Variants in TBCK observed in about 807,000 individuals in gnomAD.
TBCK encodes the protein TBC domain-containing protein kinase-like protein.
Under a neutral mutation model 113.4 loss-of-function variants are expected in TBCK, and 99 were observed. The observed-to-expected ratio is 0.87, with a 90% CI of 0.74 to 1.03. TBCK has a LOEUF of 1.03. Ranked by LOEUF, TBCK falls within the 50% of genes least tolerant of loss-of-function variation. The pLI is 0.00. For synonymous variants in TBCK, 369 were observed against 370.8 expected (o/e 1.00, Z 0.05); for missense variants, 1,045 against 1,061.3 (o/e 0.98, Z 0.21).
chr4:106,178,565 G>GTA (rs1751962462), intron 22 of TBCK, among the ~76,000 whole-genome samples: 2 of 151,876 alleles, frequency 1.3e-5, no homozygotes, highest in African/African-American at 4.8e-5. Flanking sequence ...AGTATCTATT[G>GTA]AAAGAATCAT....
intron 23 of TBCK, among the ~76,000 whole-genome samples, chr4:106,160,186 T>G (rs977774826): frequency 6.6e-6 from 1 of 151,882 alleles, no homozygotes; most frequent in African/African-American, 2.4e-5. Context: ...GAAGAAAACA[T>G]AGGGCAAAAG....
In TBCK at chr4:106,316,028, G is replaced by A. The variant is rs1195313282; in HGVS notation, c.-127C>T. The A allele has an allele frequency of 6.5e-6, 1 of 152,866 alleles. No individual in the cohort carries two copies. The highest frequency in any genetic ancestry group is 1.9e-4 in the East Asian group (1 of 5,192). 9.5% of individuals were successfully genotyped at this position (152,866 alleles called of 1,614,324 possible). On this transcript the variant is annotated 5_prime_UTR_variant, in exon 1 of 26. Transcript: ENST00000394708. ...CGCTGTGGCTGCTGCTGCCGCTACG[G>A]CTTAGTGCACCAGACGCTGCATTTC...
chr4:106,086,301 C>T (rs1739510275), intron 25 of TBCK, among the ~76,000 whole-genome samples: 1 of 152,122 alleles, frequency 6.6e-6, no homozygotes, highest in East Asian at 1.9e-4. Context: ...ATACTATAAA[C>T]ATCTCTATGC....
intron 2 of TBCK, among the ~76,000 whole-genome samples, chr4:106,295,880 T>C (rs1446889155): frequency 6.6e-6 from 1 of 152,162 alleles, no homozygotes; most frequent in African/African-American, 2.4e-5. Flanking sequence ...CTAGGCTACA[T>C]GGTTCATCTA....
At chr4:106,315,146 A>C (rs1768657410) in intron 1 of TBCK, among the ~76,000 whole-genome samples, 1 of 152,118 alleles carries the variant, frequency 6.6e-6, no homozygotes, top group African/African-American at 2.4e-5. Flanking sequence ...GGGAAAAAAA[A>C]CGTAGAGATG....
intron 24 of TBCK, among the ~76,000 whole-genome samples, chr4:106,106,684 G>A (rs543900374): frequency 6.6e-6 from 1 of 152,176 alleles, no homozygotes; most frequent in South Asian, 2.1e-4. Context: ...GAATACAAAA[G>A]CACACTTAAA....
At chr4:106,117,368 T>C (rs1743646702) in intron 23 of TBCK, among the ~76,000 whole-genome samples, 1 of 152,196 alleles carries the variant, frequency 6.6e-6, no homozygotes, top group Admixed American at 6.5e-5. Flanking sequence ...TTTTATAATA[T>C]AATTTATGTT....
At chr4:106,105,273 A>G (rs1742010021) in intron 24 of TBCK, among the ~76,000 whole-genome samples, 1 of 152,076 alleles carries the variant, frequency 6.6e-6, no homozygotes, top group African/African-American at 2.4e-5. Flanking sequence ...ACAAACCTCC[A>G]TTTTGGGCTG....
chr4:106,192,537 A>G (rs1199539314), intron 22 of TBCK, among the ~76,000 whole-genome samples: 1 of 152,150 alleles, frequency 6.6e-6, no homozygotes, highest in East Asian at 1.9e-4. Flanking sequence ...ACTTTAATTA[A>G]AATTTGATAA....
intron 20 of TBCK, among the ~76,000 whole-genome samples, chr4:106,205,331 C>G (rs1020593877): frequency 4.0e-5 from 6 of 151,860 alleles, no homozygotes; most frequent in African/African-American, 1.5e-4. Flanking sequence ...CATGACACTA[C>G]AAAATTATGT....
intron 23 of TBCK, among the ~76,000 whole-genome samples, chr4:106,147,564 TA>T (rs1291782228): frequency 1.3e-5 from 2 of 152,192 alleles, no homozygotes; most frequent in African/African-American, 4.8e-5. Context: ...CTGCAATCTC[TA>T]AACATAAATT....
intron 23 of TBCK, among the ~76,000 whole-genome samples, chr4:106,124,110 A>T (rs1424030053): frequency 6.6e-6 from 1 of 151,726 alleles, no homozygotes; most frequent in African/African-American, 2.4e-5. Context: ...CATCTGACAA[A>T]GGGCTAATAT....
chr4:106,092,169 G>A (rs1357334821), intron 25 of TBCK, among the ~76,000 whole-genome samples: 1 of 152,192 alleles, frequency 6.6e-6, no homozygotes, highest in Non-Finnish European at 1.5e-5. Flanking sequence ...TAGATACAGA[G>A]TGCTGATTGG....
intron 20 of TBCK, among the ~76,000 whole-genome samples, chr4:106,201,038 T>C (rs557680967): frequency 6.6e-6 from 1 of 152,138 alleles, no homozygotes; most frequent in East Asian, 1.9e-4. Context: ...TATACTTTGA[T>C]AATAATTATA....
chr4:106,135,951 T>A (rs990061468), intron 23 of TBCK, among the ~76,000 whole-genome samples: 6 of 141,362 alleles, frequency 4.2e-5, no homozygotes, highest in Non-Finnish European at 6.4e-5. Context: ...GCAGGATTTT[T>A]CGAGGAATGT....
At chr4:106,174,590 GGTGGAT>G (rs1449958083) in intron 22 of TBCK, among the ~76,000 whole-genome samples, 1 of 151,984 alleles carries the variant, frequency 6.6e-6, no homozygotes, top group East Asian at 1.9e-4. Flanking sequence ...CTGGGCATTT[GGTGGAT>G]CCCTGAGTAG....
At position 106,044,340 on chromosome 4, in the gene TBCK, A is replaced by G. The variant is rs977656220; in HGVS notation, c.*2230T>C. On this transcript the variant is annotated 3_prime_UTR_variant, in exon 26 of 26. Transcript: ENST00000394708. ...AATTGCCAGGACAGGAGGATTTAAT[A>G]TTTCTCTGAAGAGGGTAGACAATGG... The G allele has an allele frequency of 2.0e-5, 3 of 152,192 alleles. No homozygotes were observed. The highest frequency in any genetic ancestry group is 4.4e-5 in the Non-Finnish European group (3 of 68,032). 9.4% of individuals were successfully genotyped at this position (152,192 alleles called of 1,614,324 possible).
chr4:106,189,727 T>C (rs974105578), intron 22 of TBCK, among the ~76,000 whole-genome samples: 1 of 152,198 alleles, frequency 6.6e-6, no homozygotes, highest in Non-Finnish European at 1.5e-5. Flanking sequence ...AAATACTTAT[T>C]TCATTACTTC....
intron 23 of TBCK, among the ~76,000 whole-genome samples, chr4:106,142,466 A>G (rs969518415): frequency 6.6e-6 from 1 of 152,196 alleles, no homozygotes; most frequent in Non-Finnish European, 1.5e-5. Flanking sequence ...TAATTTTTGA[A>G]TCTCATATAA....
Sources: allele counts gnomAD v4.1 joint callset (sites outside exome capture counted in the v4.1 genomes callset), GRCh38; gene constraint gnomAD v4.1.1; transcripts MANE v1.5; gene names NCBI Gene and HGNC (gene_info 2026-07-23, HGNC 2026-07-21).